The following RELN variants were observed in gnomAD, a reference collection of about 807,000 sequenced individuals.
The protein encoded by RELN is reelin.
Under a neutral mutation model 427.6 loss-of-function variants are expected in RELN, and 108 were observed. The ratio of observed to expected loss-of-function variants is 0.25; its 90% CI spans 0.22 to 0.30. The LOEUF is 0.30. Ranked by LOEUF, RELN falls within the 10% of genes least tolerant of loss-of-function variation. The pLI, the probability that RELN is intolerant of heterozygous loss-of-function variation, is 1.00. For missense variants in RELN, 3,715 were observed against 4,302.8 expected, an observed-to-expected ratio of 0.86 and a Z score of 3.82; for synonymous variants, 1,524 against 1,513.4, an observed-to-expected ratio of 1.01 and a Z score of -0.16.
At position 103,563,548 on chromosome 7, in the gene RELN, T is replaced by C. The variant is rs1167479427; in HGVS notation, c.5211-1595A>G. Among the ~76,000 whole-genome samples the C allele has an allele frequency of 1.3e-5, 2 of 152,226 alleles. No homozygotes were observed. Among genetic ancestry groups the C allele is most frequent in the Admixed American group, 6.5e-5 (1 of 15,286 alleles). ...AAAAGTTTATATAATGGAAAAGTTA[T>C]AGTAAGGTAAATTTATTATTGAAGA... is the stretch of plus-strand genomic sequence containing the variant. On this transcript the variant is annotated intron_variant, in intron 34 of 64. Coordinates refer to ENST00000428762, the MANE Select transcript of RELN (RefSeq NM_005045.4). This position sits in a 1 kb window ranked among gnomAD's most constrained non-coding sequence, Gnocchi z 4.1.
intron 12 of RELN, among the ~76,000 whole-genome samples, chr7:103,656,138 A>G (rs1833018064): frequency 6.6e-6 from 1 of 152,074 alleles, no homozygotes; most frequent in African/African-American, 2.4e-5. Context: ...TCTTCTCTAT[A>G]TGACACATCT....
chr7:103,596,212 G>C (rs531888530), intron 25 of RELN, among the ~76,000 whole-genome samples: 1 of 152,238 alleles, frequency 6.6e-6, no homozygotes, highest in Non-Finnish European at 1.5e-5. Context: ...CAGTGGTTAC[G>C]TATCTTGCTT....
At chr7:103,483,091 G>A in intron 62 of RELN, 120 bp from the exon 63 acceptor site, 2 of 807,890 alleles carry the variant, frequency 2.5e-6, no homozygotes, top group South Asian at 1.4e-5. Context: ...TGTTATGCAT[G>A]GAATTCAGAT....
intron 19 of RELN, among the ~76,000 whole-genome samples, chr7:103,635,141 G>C (rs780260948): frequency 2.0e-5 from 3 of 152,272 alleles, no homozygotes; most frequent in African/African-American, 7.2e-5. Flanking sequence ...TTACAGGCAT[G>C]AGCCACTGCG....
intron 3 of RELN, among the ~76,000 whole-genome samples, chr7:103,800,685 C>T (rs1405839274): frequency 6.6e-6 from 1 of 152,170 alleles, no homozygotes; most frequent in Non-Finnish European, 1.5e-5. Context: ...GACTTCATGT[C>T]TAAAACACCA....
intron 6 of RELN, among the ~76,000 whole-genome samples, chr7:103,741,351 T>C (rs1447202943): frequency 6.6e-6 from 1 of 152,066 alleles, no homozygotes. Flanking sequence ...AATGCTATTT[T>C]CATCAATATA....
At position 103,773,480 on chromosome 7, in the gene RELN, T is replaced by G. The variant is rs1320029176; in HGVS notation, c.544+3077A>C. The stretch of plus-strand genomic sequence containing the variant: ...CTCCCTCTCTCTCTCTCTCTCTCTC[T>G]TTCTTTCTTTTGACAGAGTCTCACT... On this transcript the variant is annotated intron_variant, in intron 4 of 64. Coordinates refer to ENST00000428762, the MANE Select transcript of RELN (RefSeq NM_005045.4). 6.5e-5 allele frequency among the ~76,000 whole-genome samples: 9 copies of G among 138,168 alleles called. No homozygotes were observed. In the South Asian group the frequency reaches 1.9e-3, roughly 30 times the overall value. The allele number at this position is 138,168 out of a possible 152,430, so 90.6% of individuals were successfully genotyped here.
chr7:103,660,921 AT>A (rs1398673112), intron 12 of RELN, among the ~76,000 whole-genome samples: 1 of 152,222 alleles, frequency 6.6e-6, no homozygotes, highest in East Asian at 1.9e-4. Flanking sequence ...TTGCAAACAT[AT>A]TAGAAAATAG....
chr7:103,864,340 T>C (rs1429276243), intron 2 of RELN, among the ~76,000 whole-genome samples: 1 of 152,166 alleles, frequency 6.6e-6, no homozygotes, highest in Non-Finnish European at 1.5e-5. Flanking sequence ...AAATTTTAAG[T>C]GCCCAGTGCA....
At chr7:103,772,249 T>C (rs981078596) in intron 4 of RELN, among the ~76,000 whole-genome samples, 4 of 152,212 alleles carry the variant, frequency 2.6e-5, no homozygotes, top group Non-Finnish European at 5.9e-5. Flanking sequence ...AAGGAGCATA[T>C]ATCTCATGGC....
chr7:103,494,707 CTGAG>C (rs1339186549), intron 57 of RELN, among the ~76,000 whole-genome samples: 5 of 151,884 alleles, frequency 3.3e-5, no homozygotes, highest in East Asian at 3.9e-4. Flanking sequence ...TTGCCTTTCT[CTGAG>C]TGTCTATTAA....
intron 28 of RELN, among the ~76,000 whole-genome samples, chr7:103,578,011 G>C (rs1054230401): frequency 1.3e-5 from 2 of 152,158 alleles, no homozygotes; most frequent in African/African-American, 4.8e-5. Context: ...AGCCAGCTCA[G>C]ATTTGGGCCC....
intron 12 of RELN, among the ~76,000 whole-genome samples, 182 bp from the exon 13 acceptor site, chr7:103,654,387 C>T (rs181383756): frequency 2.4e-4 from 37 of 152,190 alleles, no homozygotes; most frequent in African/African-American, 8.4e-4. Context: ...GTAGGCCATG[C>T]TAAAGATCAA....
intron 2 of RELN, among the ~76,000 whole-genome samples, chr7:103,895,077 AAC>A (rs1268293729): frequency 2.0e-5 from 3 of 152,144 alleles, no homozygotes; most frequent in Non-Finnish European, 4.4e-5. Flanking sequence ...ATTAACTGTT[AAC>A]AGATTCTTCT....
intron 10 of RELN, among the ~76,000 whole-genome samples, chr7:103,692,341 C>CCACTCTTTA (rs1487216187): frequency 6.6e-6 from 1 of 152,058 alleles, no homozygotes; most frequent in African/African-American, 2.4e-5. Context: ...GGAGGATTTC[C>CCACTCTTTA]AGAGAATCTA....
In RELN at chr7:103,917,129, A is replaced by C. The variant is rs1160469188; in HGVS notation, c.283T>G (p.Ser95Ala). 1 of 1,613,482 alleles carries C rather than the reference A, an allele frequency of 6.2e-7. No homozygotes were observed. The highest frequency in any genetic ancestry group is 8.5e-7 in the Non-Finnish European group (1 of 1,179,720). Reference sequence around the variant, plus strand: ...CTCTGTGATGCCTGAACACTTGTAGATGTGTATAGTCCTGTCACCAGCAAG... The same window carrying C: ...CTCTGTGATGCCTGAACACTTGTAGCTGTGTATAGTCCTGTCACCAGCAAG... ...DGLLVTGLYT[S>A]TSVQASQSIG... is the part of the protein sequence containing the mutation. Residue 95 changes from serine (S) to alanine (A), a missense_variant, in exon 2 of 65, where the codon TCT (serine) becomes GCT (alanine). Coordinates refer to ENST00000428762, the MANE Select transcript of RELN (RefSeq NM_005045.4).
At chr7:103,710,830 T>C (rs1789776536) in intron 8 of RELN, among the ~76,000 whole-genome samples, 1 of 152,094 alleles carries the variant, frequency 6.6e-6, no homozygotes, top group Non-Finnish European at 1.5e-5. Context: ...TGGATCACGA[T>C]GTCAAGAAAT....
chr7:103,761,019 C>CTT (rs1791285618), intron 4 of RELN, among the ~76,000 whole-genome samples: 1 of 152,100 alleles, frequency 6.6e-6, no homozygotes, highest in Admixed American at 6.6e-5. Context: ...CAAGAACATA[C>CTT]TTATGCTCAG....
chr7:103,743,665 A>G (rs764875823), intron 6 of RELN, among the ~76,000 whole-genome samples: 24 of 152,212 alleles, frequency 1.6e-4, no homozygotes, highest in Non-Finnish European at 2.5e-4. Flanking sequence ...AGAGACAAAG[A>G]AGGACGTTAC....
Sources: allele counts gnomAD v4.1 joint callset (sites outside exome capture counted in the v4.1 genomes callset), GRCh38; gene constraint gnomAD v4.1.1; non-coding constraint Gnocchi (gnomAD v3.1); transcripts MANE v1.5; gene names NCBI Gene and HGNC (gene_info 2026-07-23, HGNC 2026-07-21).